BRCA1: variants seen among roughly 807,000 people sequenced by gnomAD.
The protein encoded by BRCA1 is breast cancer type 1 susceptibility protein.
A neutral mutation model predicts 173.7 loss-of-function variants in BRCA1; 140 were observed. The ratio of observed to expected loss-of-function variants is 0.81; its 90% confidence interval spans 0.70 to 0.93. The LOEUF is 0.93. Ranked by LOEUF, BRCA1 falls within the 40% of genes least tolerant of loss-of-function variation. The probability of loss-of-function intolerance (pLI) is 0.00; values close to 1 mark genes in which losing one functional copy is unlikely to be tolerated. For synonymous variants in BRCA1, 662 were observed against 756.0 expected (o/e 0.88, Z 2.04); for missense variants, 1,983 against 2,172.5 (o/e 0.91, Z 1.73).
chr17:43,048,775 C>T (rs1356485045), intron 21 of BRCA1, among the ~76,000 whole-genome samples: 1 of 151,864 alleles, frequency 6.6e-6, no homozygotes, highest in South Asian at 2.1e-4. Flanking sequence ...GCCTCGGCCT[C>T]CCAAAGTGCT....
At chr17:43,077,455 C>T (rs1442522489) in intron 12 of BRCA1, among the ~76,000 whole-genome samples, 1 of 152,000 alleles carries the variant, frequency 6.6e-6, no homozygotes, top group Non-Finnish European at 1.5e-5. Flanking sequence ...CTCAGCCTTC[C>T]TAGTAGCTGA....
At chr17:43,076,635 C>A (rs776357552) in intron 12 of BRCA1, 21 bp from the exon 13 acceptor site, 4 of 1,611,246 alleles carry the variant, frequency 2.5e-6, no homozygotes, top group Non-Finnish European at 2.5e-6. Context: ...AATGAGAAAA[C>A]AAATCTACTT....
In BRCA1 at chr17:43,074,439, G is replaced by A. The variant is rs1390166929; in HGVS notation, c.4567C>T (p.Pro1523Ser). 1.2e-6 allele frequency: 2 copies of A among 1,614,098 alleles called. No homozygotes were observed. Among genetic ancestry groups the A allele is most frequent in the Non-Finnish European group, 1.7e-6 (2 of 1,179,972 alleles). ...CSGSLQNRNY[P>S]SQEELIKVVD... is the part of the protein sequence containing the mutation. ...ACCTTAATGAGCTCCTCTTGAGATG[G>A]GTAGTTTCTATTCTGAAGACTCCCA... The change falls in exon 14 of 23, where the codon CCA (proline) becomes TCA (serine). Residue 1523 changes from proline to serine, a missense_variant. Pro to Ser is a moderately conservative substitution (Grantham distance 74). Coordinates refer to ENST00000357654, the MANE Select transcript of BRCA1 (RefSeq NM_007294.4).
chr17:43,048,325 C>T (rs1474592343), intron 21 of BRCA1, among the ~76,000 whole-genome samples: 2 of 152,160 alleles, frequency 1.3e-5, no homozygotes, highest in African/African-American at 4.8e-5. Flanking sequence ...GCCCCAGCCC[C>T]TCAAGTAGCT....
chr17:43,054,759 TTG>T (rs2153227454), intron 19 of BRCA1, among the ~76,000 whole-genome samples: 1 of 151,128 alleles, frequency 6.6e-6, no homozygotes, highest in African/African-American at 2.4e-5. Flanking sequence ...TTTTTTTTTT[TTG>T]AGATGAAGTC....
At chr17:43,136,506 A>G (rs1323834159) in intron 1 of BRCA1, among the ~76,000 whole-genome samples, 1 of 152,234 alleles carries the variant, frequency 6.6e-6, no homozygotes, top group African/African-American at 2.4e-5. Flanking sequence ...GCAACCACAG[A>G]ATGGGAGAAA....
intron 1 of BRCA1, among the ~76,000 whole-genome samples, chr17:43,146,273 G>A (rs2154581531): frequency 7.0e-6 from 1 of 143,034 alleles, no homozygotes; most frequent in East Asian, 2.1e-4. Context: ...AAGAATTACA[G>A]TACGTGGCTT....
chr17:43,102,375 T>TTTTTTTTTGG (rs2054517889), intron 6 of BRCA1, among the ~76,000 whole-genome samples: 1 of 145,990 alleles, frequency 6.8e-6, no homozygotes, highest in Non-Finnish European at 1.5e-5. Context: ...TTTTTTTTTT[T>TTTTTTTTTGG]GAGACGGAGT....
chr17:43,082,390 C>A lies in BRCA1; in HGVS notation c.4357+14G>T, dbSNP rs760989937. The A allele has an allele frequency of 1.1e-5, 18 of 1,611,818 alleles. No homozygotes were observed. Among genetic ancestry groups the A allele is most frequent in the Non-Finnish European group, 1.5e-5 (18 of 1,178,146 alleles). On this transcript the variant is annotated intron_variant, in intron 12 of 22. Coordinates refer to ENST00000357654, the MANE Select transcript of BRCA1 (RefSeq NM_007294.4). ...TTTTGCTTAAGATATCAGTGTTTGG[C>A]CAACAATACACACCTTTTTCTGATG...
intron 12 of BRCA1, among the ~76,000 whole-genome samples, chr17:43,077,801 T>C (rs888006773): frequency 3.9e-5 from 6 of 152,052 alleles, no homozygotes; most frequent in African/African-American, 1.2e-4. Context: ...TGGCATGATC[T>C]TGGCTCACCA....
chr17:43,058,090 A>G (rs1345606917), intron 18 of BRCA1, among the ~76,000 whole-genome samples: 2 of 151,508 alleles, frequency 1.3e-5, no homozygotes, highest in Non-Finnish European at 2.9e-5. Flanking sequence ...CTGGGCACCA[A>G]TGGCTCACAC....
intron 5 of BRCA1, 85 bp downstream of exon 5, chr17:43,104,780 TCAC>T: frequency 1.7e-6 from 2 of 1,205,118 alleles, no homozygotes; most frequent in Non-Finnish European, 2.5e-6. Flanking sequence ...AAAGGTCTTA[TCAC>T]CACGTCATAG....
chr17:43,071,173 C>T lies in BRCA1; in HGVS notation c.4741G>A (p.Glu1581Lys), dbSNP rs397509193. The change falls in exon 15 of 23, where the codon GAA becomes AAA. Residue 1581 changes from glutamate to lysine, a missense_variant. By Grantham distance (56) the Glu-to-Lys change is moderately conservative. Transcript: ENST00000357654. ...FSDDPESDPS[E>K]DRAPESARVG... ...CGAGCTGACTCTGGGGCTCTGTCTT[C>T]AGAAGGATCAGATTCAGGGTCATCA... The T allele has an allele frequency of 6.2e-7, 1 of 1,614,206 alleles. No individual in the cohort carries two copies. Among genetic ancestry groups the T allele is most frequent in the East Asian group, 2.2e-5 (1 of 44,888 alleles).
At chr17:43,078,088 C>CT (rs35184764) in intron 12 of BRCA1, among the ~76,000 whole-genome samples, 63 of 144,380 alleles carry the variant, frequency 4.4e-4, no homozygotes, top group Non-Finnish European at 6.0e-4. Context: ...TGGTTTCAAA[C>CT]TTTTTTTTTT....
Position 43,091,872 on chromosome 17 carries a change from T to C in BRCA1, c.3659A>G (p.Asp1220Gly), listed in dbSNP as rs766572561. Residue 1220 changes from aspartate (D) to glycine (G), a missense_variant, in exon 10 of 23, where the codon GAT becomes GGT. By Grantham distance (94) the Asp-to-Gly change is moderately conservative. Transcript: ENST00000357654. Reference protein sequence around the residue: ...ESSEENLSSEDEELPCFQHLL... With the variant: ...ESSEENLSSEGEELPCFQHLL... ...GTGTTGGAAGCAGGGAAGCTCTTCA[T>C]CCTCACTAGATAAGTTCTCTTCTGA... 3.7e-6 allele frequency: 6 copies of C among 1,614,196 alleles called. No homozygotes were observed. In the South Asian group the frequency reaches 6.6e-5, roughly 18 times the overall value.
At chr17:43,136,663 A>G (rs1163269577) in intron 1 of BRCA1, among the ~76,000 whole-genome samples, 1 of 152,260 alleles carries the variant, frequency 6.6e-6, no homozygotes, top group Admixed American at 6.5e-5. Context: ...ACATTTATGC[A>G]GCCAACAGAC....
Position 43,086,109 on chromosome 17 carries a change from T to TACACACACACAC in BRCA1, c.4186-3546_4186-3535dup, listed in dbSNP as rs376686434. Among the ~76,000 whole-genome samples, 1,324 of 137,424 alleles carry TACACACACACAC rather than the reference T, an allele frequency of 9.6e-3. 24 individuals are homozygous for TACACACACACAC. Among genetic ancestry groups the TACACACACACAC allele is most frequent in the African/African-American group, 0.028 (1,076 of 37,804 alleles). 90.2% of individuals were successfully genotyped at this position (137,424 alleles called of 152,430 possible). On this transcript the variant is annotated intron_variant, in intron 11 of 22. Coordinates refer to ENST00000357654, the MANE Select transcript of BRCA1 (RefSeq NM_007294.4). ...TCCTATATTTATTTTATCACATACA[T>TACACACACACAC]ACACACACACACACACACACACACA... is the stretch of plus-strand genomic sequence containing the variant.
In BRCA1 at chr17:43,169,597, C is replaced by T. The variant is rs1262286006; in HGVS notation, c.-20+529G>A. On this transcript the variant is annotated intron_variant, in intron 1 of 7. Coordinates refer to the BRCA1 transcript ENST00000634433. ...TGCTTCCCTCGAGACCTACAAACTGCCCCCTTCCCCGGGGGGTTCACAACG... is the reference window on the plus strand; with the variant it reads ...TGCTTCCCTCGAGACCTACAAACTGTCCCCTTCCCCGGGGGGTTCACAACG... Among the ~76,000 whole-genome samples the T allele has an allele frequency of 3.3e-5, 5 of 152,158 alleles. No homozygotes were observed. In the South Asian group the frequency reaches 8.3e-4, roughly 25 times the overall value.
At chr17:43,048,942 A>G (rs2051061712) in intron 21 of BRCA1, among the ~76,000 whole-genome samples, 179 bp downstream of exon 21, 1 of 152,120 alleles carries the variant, frequency 6.6e-6, no homozygotes, top group African/African-American at 2.4e-5. Context: ...TATATTTAAT[A>G]TGTGCAGTTC....
Sources: allele counts gnomAD v4.1 joint callset (sites outside exome capture counted in the v4.1 genomes callset), GRCh38; gene constraint gnomAD v4.1.1; transcripts MANE v1.5; gene names NCBI Gene and HGNC (gene_info 2026-07-23, HGNC 2026-07-21).